NUP205: variants seen among roughly 807,000 people sequenced by gnomAD.
NUP205 encodes nucleoporin 205.
In NUP205, 76 loss-of-function variants were observed where a neutral mutation model predicts 253.8. That is an observed-to-expected ratio of 0.30 (90% confidence interval 0.25 to 0.36). NUP205 has a LOEUF of 0.36. NUP205 is among the 10% of genes least tolerant of loss of function. The pLI, the probability that NUP205 is intolerant of heterozygous loss-of-function variation, is 1.00. For missense variants in NUP205, 2,162 were observed against 2,425.5 expected (o/e 0.89, Z 2.28); for synonymous variants, 832 against 850.1 (o/e 0.98, Z 0.37).
intron 1 of NUP205, among the ~76,000 whole-genome samples, chr7:135,561,917 C>CTCCT (rs755809128): frequency 4.2e-4 from 62 of 147,674 alleles, no homozygotes; most frequent in East Asian, 6.1e-4. Context: ...CCTTCCTTCC[C>CTCCT]TCCTTCCTTC....
chr7:135,593,683 CTGT>C lies in NUP205; in HGVS notation c.1830+496_1830+498del, dbSNP rs1442719842. ...ACTCAGAAATATCTTTTAGTTATGTCTGTTGTTCACTAGAATAGTCTGACATTT... is the reference window on the plus strand; with the variant it reads ...ACTCAGAAATATCTTTTAGTTATGTCTGTTCACTAGAATAGTCTGACATTT... On this transcript the variant is annotated intron_variant, in intron 12 of 42. Transcript: ENST00000285968. 1.4e-4 allele frequency among the ~76,000 whole-genome samples: 22 copies of C among 152,260 alleles called. 1 individual carries two copies. The highest frequency in any genetic ancestry group is 4.6e-4 in the African/African-American group (19 of 41,560).
chr7:135,599,058 A>G (rs1373500626), intron 15 of NUP205, among the ~76,000 whole-genome samples: 1 of 152,242 alleles, frequency 6.6e-6, no homozygotes, highest in African/African-American at 2.4e-5. Flanking sequence ...GTGTATATAT[A>G]TATGAAGAAA....
In NUP205 at chr7:135,614,076, A is replaced by G. The variant is rs530042565; in HGVS notation, c.3196-83A>G. On this transcript the variant is annotated intron_variant, in intron 22 of 42. Transcript: ENST00000285968. ...GATGGGTCCTAGTTTTTCACTTAGT[A>G]GGTCTAAGTTCATATTTTGTTACCA... 4.4e-5 allele frequency: 31 copies of G among 705,188 alleles called. 1 individual carries two copies. The South Asian group carries it at 5.3e-4, about 12-fold the overall frequency. The allele number at this position is 705,188 out of a possible 1,614,324, so 43.7% of individuals were successfully genotyped here.
intron 8 of NUP205, among the ~76,000 whole-genome samples, chr7:135,585,609 A>G (rs1452173937): frequency 6.6e-6 from 1 of 151,296 alleles, no homozygotes; most frequent in Non-Finnish European, 1.5e-5. Flanking sequence ...GCTGGAGTGC[A>G]GTGGTGTGAT....
chr7:135,617,344 G>A (rs1794384170), intron 26 of NUP205, 97 bp downstream of exon 26: 1 of 1,213,104 alleles, frequency 8.2e-7, no homozygotes, highest in Non-Finnish European at 1.2e-6. Context: ...CTTTCTGATA[G>A]AGACATTGGT....
chr7:135,607,110 A>G, intron 21 of NUP205, 137 bp from the exon 22 acceptor site: 1 of 1,249,006 alleles, frequency 8.0e-7, no homozygotes, highest in Non-Finnish European at 1.1e-6. Flanking sequence ...GCCTTTATCA[A>G]TTTTCTGTTA....
chr7:135,619,696 T>C lies in NUP205; in HGVS notation c.4231+6T>C, dbSNP rs1193540119. On this transcript the variant is annotated splice_donor_region_variant and intron_variant, in intron 29 of 42. Transcript: ENST00000285968. ...AGACTTCATTTTGAAGACAGGTTTTTTTCATTTAAATTGTCTATAAATTCT... is the reference window on the plus strand; with the variant it reads ...AGACTTCATTTTGAAGACAGGTTTTCTTCATTTAAATTGTCTATAAATTCT... The C allele has an allele frequency of 6.2e-7, 1 of 1,608,484 alleles. No homozygotes were observed. The highest frequency in any genetic ancestry group is 1.3e-5 in the African/African-American group (1 of 74,502).
intron 34 of NUP205, among the ~76,000 whole-genome samples, chr7:135,628,493 C>A (rs1794640908): frequency 6.6e-6 from 1 of 152,128 alleles, no homozygotes; most frequent in Non-Finnish European, 1.5e-5. Context: ...CGCCTGTAAT[C>A]CCAGCACTTC....
chr7:135,623,002 G>T, intron 31 of NUP205, 77 bp downstream of exon 31: 2 of 1,444,402 alleles, frequency 1.4e-6, no homozygotes. Context: ...TCACGGCTGG[G>T]TGTGGTGCCT....
chr7:135,578,119 A>G lies in NUP205; in HGVS notation c.877+95A>G, dbSNP rs1806202581. The G allele has an allele frequency of 2.4e-6, 2 of 834,920 alleles. 1 individual carries two copies. The highest frequency in any genetic ancestry group is 4.3e-5 in the Admixed American group (2 of 46,686). The allele number at this position is 834,920 out of a possible 1,614,324, so 51.7% of individuals were successfully genotyped here. A position where few individuals can be genotyped will look rare whatever the true frequency, so the allele number is the denominator to read the frequency against. On this transcript the variant is annotated intron_variant, in intron 6 of 42. Transcript: ENST00000285968. ...AGGGTGATATTTTAGCTACTAAAAT[A>G]GTCTGCTCTGTTCCTGTGTTTGCAG...
At chr7:135,622,290 G>T (rs1225191066) in intron 30 of NUP205, among the ~76,000 whole-genome samples, 2 of 151,612 alleles carry the variant, frequency 1.3e-5, no homozygotes, top group East Asian at 3.9e-4. Flanking sequence ...GGGCATGGTG[G>T]CATGCACCTG....
At chr7:135,590,225 C>T (rs930626206) in intron 10 of NUP205, among the ~76,000 whole-genome samples, 1 of 150,988 alleles carries the variant, frequency 6.6e-6, no homozygotes, top group Non-Finnish European at 1.5e-5. Context: ...GATTCTACCG[C>T]CTCAGCCTCC....
rs184611146 is a variant in NUP205, at chr7:135,570,361, C to T, written c.29-744C>T. The stretch of plus-strand genomic sequence containing the variant: ...TCCCAAGTAGCTGGGACTACATGTG[C>T]GCACCACCACACCCGGCTAATTTTT... On this transcript the variant is annotated intron_variant, in intron 1 of 42. Coordinates refer to ENST00000285968, the MANE Select transcript of NUP205 (RefSeq NM_015135.3). Among the ~76,000 whole-genome samples the T allele has an allele frequency of 2.9e-3, 440 of 151,634 alleles. 9 individuals are homozygous for T. The East Asian group carries it at 0.05, about 17-fold the overall frequency.
chr7:135,627,950 T>G, intron 33 of NUP205, 23 bp from the exon 34 acceptor site: 1 of 1,611,810 alleles, frequency 6.2e-7, no homozygotes, highest in Non-Finnish European at 8.5e-7. Flanking sequence ...TGGAATGTTT[T>G]CTCCTTGTTT....
intron 18 of NUP205, 29 bp from the exon 19 acceptor site, chr7:135,604,311 G>A (rs746555300): frequency 6.4e-7 from 1 of 1,569,872 alleles, no homozygotes; most frequent in East Asian, 2.3e-5. Flanking sequence ...TTTTATCACT[G>A]TTCCTCAAAT....
At chr7:135,561,345 AAAAC>A (rs1174700526) in intron 1 of NUP205, among the ~76,000 whole-genome samples, 3 of 152,326 alleles carry the variant, frequency 2.0e-5, no homozygotes, top group South Asian at 4.1e-4. Context: ...CTCTGTCTTA[AAAAC>A]AAACAAACAA....
chr7:135,622,022 T>C (rs895415681), intron 30 of NUP205, among the ~76,000 whole-genome samples: 3 of 151,644 alleles, frequency 2.0e-5, no homozygotes, highest in Admixed American at 6.6e-5. Flanking sequence ...CAGGCTGGTT[T>C]TGAACTCCTG....
intron 33 of NUP205, among the ~76,000 whole-genome samples, chr7:135,627,468 C>T (rs1334847383): frequency 1.3e-5 from 2 of 152,102 alleles, no homozygotes; most frequent in Non-Finnish European, 2.9e-5. Context: ...ATTAGAGGTG[C>T]TCAACCAGTA....
chr7:135,604,472 T>C lies in NUP205; in HGVS notation c.2823+12T>C, dbSNP rs377067665. On this transcript the variant is annotated intron_variant, in intron 19 of 42. Coordinates refer to ENST00000285968, the MANE Select transcript of NUP205 (RefSeq NM_015135.3). ...TCACACATGACCAGGTAACTGATTTTGTTGCTCTTGTTATTTTTTGGTGCA... is the reference window on the plus strand; with the variant it reads ...TCACACATGACCAGGTAACTGATTTCGTTGCTCTTGTTATTTTTTGGTGCA... The C allele has an allele frequency of 2.3e-4, 365 of 1,595,716 alleles. No individual in the cohort carries two copies. The highest frequency in any genetic ancestry group is 2.8e-4 in the Non-Finnish European group (331 of 1,174,434).
Sources: allele counts gnomAD v4.1 joint callset (sites outside exome capture counted in the v4.1 genomes callset), GRCh38; gene constraint gnomAD v4.1.1; transcripts MANE v1.5; gene names NCBI Gene and HGNC (gene_info 2026-07-23, HGNC 2026-07-21).